ARHGAP10: variants seen among roughly 807,000 people sequenced by gnomAD.
The protein encoded by ARHGAP10 is Rho GTPase activating protein 10.
In ARHGAP10, 87 loss-of-function variants were observed where a neutral mutation model predicts 108.6. The ratio of observed to expected loss-of-function variants is 0.80; its 90% CI spans 0.67 to 0.96. ARHGAP10 has a LOEUF of 0.96. ARHGAP10 is among the 40% of genes least tolerant of loss of function. ARHGAP10 has a pLI of 0.00. For missense variants in ARHGAP10, 939 were observed against 954.5 expected, an observed-to-expected ratio of 0.98 and a Z score of 0.21; for synonymous variants, 347 against 341.1, an observed-to-expected ratio of 1.02 and a Z score of -0.19.
Position 148,072,157 on chromosome 4 carries a change from G to A in ARHGAP10, c.*76G>A, listed in dbSNP as rs1344599218. On this transcript the variant is annotated 3_prime_UTR_variant, in exon 23 of 23. Transcript: ENST00000336498. ...GGGCAGAGAGCTGTCTTCCTCCTCC[G>A]AGGCTCTGGGCTGCACCCACAGGTA... 9.4e-5 allele frequency: 129 copies of A among 1,371,856 alleles called. No homozygotes were observed. The highest frequency in any genetic ancestry group is 1.2e-4 in the Non-Finnish European group (122 of 994,444). The allele number at this position is 1,371,856 out of a possible 1,614,324, so 85.0% of individuals were successfully genotyped here. A position where few individuals can be genotyped will look rare whatever the true frequency, so the allele number is the denominator to read the frequency against.
intron 18 of ARHGAP10, among the ~76,000 whole-genome samples, chr4:147,974,077 A>G (rs896040798): frequency 1.3e-5 from 2 of 152,130 alleles, no homozygotes; most frequent in Admixed American, 6.5e-5. Flanking sequence ...GCTGGATCAT[A>G]TGGTAGCTCT....
At chr4:148,037,964 T>C (rs1364802307) in intron 19 of ARHGAP10, among the ~76,000 whole-genome samples, 1 of 152,138 alleles carries the variant, frequency 6.6e-6, no homozygotes, top group Admixed American at 6.6e-5. Context: ...AGATTTAACT[T>C]TATTTATATA....
chr4:147,902,205 G>A (rs986706809), intron 10 of ARHGAP10, among the ~76,000 whole-genome samples: 6 of 152,022 alleles, frequency 3.9e-5, no homozygotes, highest in Admixed American at 6.6e-5. Flanking sequence ...TTGCCATTTT[G>A]TATCATCCTT....
At chr4:147,814,343 A>G (rs1732148497) in intron 1 of ARHGAP10, among the ~76,000 whole-genome samples, 1 of 152,108 alleles carries the variant, frequency 6.6e-6, no homozygotes, top group African/African-American at 2.4e-5. Flanking sequence ...TAAATATTAA[A>G]GAATTTGAGA....
intron 13 of ARHGAP10, among the ~76,000 whole-genome samples, chr4:147,924,246 G>A (rs962673658): frequency 1.3e-5 from 2 of 151,990 alleles, no homozygotes; most frequent in African/African-American, 4.8e-5. Flanking sequence ...CCTCTGAGAC[G>A]GCGAACCCCG....
intron 3 of ARHGAP10, among the ~76,000 whole-genome samples, chr4:147,839,944 A>G (rs1733344153): frequency 6.6e-6 from 1 of 152,244 alleles, no homozygotes; most frequent in South Asian, 2.1e-4. Flanking sequence ...TGAATTGTGA[A>G]GTTCTAATGG....
At chr4:147,743,734 G>A (rs951156443) in intron 1 of ARHGAP10, among the ~76,000 whole-genome samples, 2 of 152,092 alleles carry the variant, frequency 1.3e-5, no homozygotes, top group East Asian at 1.9e-4. Flanking sequence ...CCAAGATTGC[G>A]CCATTGCACT....
At chr4:147,847,357 C>T in intron 4 of ARHGAP10, 135 bp downstream of exon 4, 8 of 835,182 alleles carry the variant, frequency 9.6e-6, no homozygotes, top group African/African-American at 1.7e-5. Flanking sequence ...ATGTGCTTTT[C>T]CCCCTTTGGG....
intron 18 of ARHGAP10, among the ~76,000 whole-genome samples, chr4:148,014,872 T>C (rs954220603): frequency 6.6e-6 from 1 of 152,176 alleles, no homozygotes; most frequent in African/African-American, 2.4e-5. Context: ...TAAACAAAAT[T>C]AGAAAAACAG....
At chr4:147,773,230 C>A (rs1730144737) in intron 1 of ARHGAP10, among the ~76,000 whole-genome samples, 2 of 152,166 alleles carry the variant, frequency 1.3e-5, no homozygotes, top group South Asian at 4.1e-4. Context: ...ACGTTACTTT[C>A]ATTAATGTAC....
chr4:147,943,693 A>G (rs1738258134), intron 14 of ARHGAP10, among the ~76,000 whole-genome samples: 1 of 152,180 alleles, frequency 6.6e-6, no homozygotes, highest in Non-Finnish European at 1.5e-5. Context: ...AAGGAAGCAA[A>G]TTGTTTTTAT....
At chr4:147,975,906 T>C (rs1272076480) in intron 18 of ARHGAP10, among the ~76,000 whole-genome samples, 1 of 152,220 alleles carries the variant, frequency 6.6e-6, no homozygotes, top group Non-Finnish European at 1.5e-5. Flanking sequence ...CAACCAACTT[T>C]ATGACCTGCA....
intron 22 of ARHGAP10, among the ~76,000 whole-genome samples, chr4:148,064,804 TAAG>T (rs1217321777): frequency 6.6e-6 from 1 of 152,222 alleles, no homozygotes; most frequent in Non-Finnish European, 1.5e-5. Flanking sequence ...CACTTGGACT[TAAG>T]AAATGTTTCT....
chr4:148,062,694 T>G (rs1350510056), intron 20 of ARHGAP10, among the ~76,000 whole-genome samples: 2 of 152,200 alleles, frequency 1.3e-5, no homozygotes, highest in Non-Finnish European at 2.9e-5. Flanking sequence ...AGTGGCATTT[T>G]CTTCTGAATT....
chr4:147,780,558 A>AG (rs1730488356), intron 1 of ARHGAP10, among the ~76,000 whole-genome samples: 1 of 14,598 alleles, frequency 6.9e-5, no homozygotes, highest in Non-Finnish European at 3.7e-4. Flanking sequence ...GAAGGAGACT[A>AG]GGAAAAAAAG....
intron 1 of ARHGAP10, among the ~76,000 whole-genome samples, chr4:147,762,427 G>A (rs1179974535): frequency 6.6e-6 from 1 of 152,110 alleles, no homozygotes; most frequent in African/African-American, 2.4e-5. Context: ...TGGAATTATA[G>A]CCTAGTGGAG....
At chr4:148,050,702 A>G (rs890977282) in intron 20 of ARHGAP10, among the ~76,000 whole-genome samples, 7 of 152,066 alleles carry the variant, frequency 4.6e-5, no homozygotes, top group African/African-American at 1.7e-4. Context: ...AAAGATTACA[A>G]ACTCTTCCTC....
chr4:147,913,603 C>A (rs555838277), intron 13 of ARHGAP10, among the ~76,000 whole-genome samples: 1 of 151,972 alleles, frequency 6.6e-6, no homozygotes, highest in Non-Finnish European at 1.5e-5. Context: ...TTTTACATGT[C>A]GAAGTTTCTT....
At chr4:147,994,947 C>T (rs553074811) in intron 18 of ARHGAP10, among the ~76,000 whole-genome samples, 120 of 152,104 alleles carry the variant, frequency 7.9e-4, no homozygotes, top group Non-Finnish European at 1.5e-3. Context: ...GATGGGTCGA[C>T]GTGGAAAGGT....
Sources: gnomAD v4.1 joint callset for allele counts (sites outside exome capture counted in the v4.1 genomes callset) on GRCh38, gnomAD v4.1.1 for gene constraint, MANE v1.5 for transcripts, NCBI Gene and HGNC (gene_info 2026-07-23, HGNC 2026-07-21) for gene names.